The following NKAIN2 variants were observed in gnomAD, a reference collection of about 807,000 sequenced individuals.
The protein encoded by NKAIN2 is sodium/potassium-transporting ATPase subunit beta-1-interacting protein 2.
A neutral mutation model predicts 32.6 loss-of-function variants in NKAIN2; 14 were observed. That is an observed-to-expected ratio of 0.43 (90% confidence interval 0.28 to 0.67). The LOEUF (loss-of-function observed/expected upper bound fraction) is 0.67. Ranked by LOEUF, NKAIN2 falls within the 30% of genes least tolerant of loss-of-function variation. NKAIN2 has a pLI of 0.17. For synonymous variants in NKAIN2, 80 were observed against 87.2 expected (o/e 0.92, Z 0.46); for missense variants, 198 against 258.3 (o/e 0.77, Z 1.60).
chr6:123,916,784 T>C (rs1412672790), intron 1 of NKAIN2, among the ~76,000 whole-genome samples: 3 of 148,992 alleles, frequency 2.0e-5, no homozygotes, highest in African/African-American at 7.5e-5. Flanking sequence ...TATGTATCTA[T>C]GTATCTATCT....
At chr6:123,873,046 T>G (rs1228383562) in intron 1 of NKAIN2, among the ~76,000 whole-genome samples, 1 of 152,134 alleles carries the variant, frequency 6.6e-6, no homozygotes, top group South Asian at 2.1e-4. Flanking sequence ...ATGGACAAGG[T>G]CTCTACTCTG....
chr6:123,852,318 CTT>C (rs1309470210), intron 1 of NKAIN2, among the ~76,000 whole-genome samples: 1 of 151,984 alleles, frequency 6.6e-6, no homozygotes, highest in Admixed American at 6.6e-5. Context: ...AATCTACTCT[CTT>C]AGCAAATTTC....
intron 4 of NKAIN2, among the ~76,000 whole-genome samples, chr6:124,713,691 CAT>C (rs1426480452): frequency 5.3e-5 from 8 of 152,248 alleles, no homozygotes; most frequent in African/African-American, 1.9e-4. Context: ...GCTGTCTTCA[CAT>C]GTTAGAAAAG....
At chr6:123,932,729 T>C (rs920331941) in intron 1 of NKAIN2, among the ~76,000 whole-genome samples, 18 of 151,458 alleles carry the variant, frequency 1.2e-4, no homozygotes, top group Admixed American at 1.3e-4. Context: ...TCTTTCTTGA[T>C]AGCATTGTTA....
chr6:124,129,633 T>C (rs910779461), intron 1 of NKAIN2, among the ~76,000 whole-genome samples: 13 of 152,168 alleles, frequency 8.5e-5, no homozygotes, highest in African/African-American at 3.1e-4. Context: ...TCTTTTTTTT[T>C]TGAGACGAAG....
In NKAIN2 at chr6:123,853,335, A is replaced by G. The variant is rs566747131; in HGVS notation, c.54+49081A>G. 3.9e-5 allele frequency among the ~76,000 whole-genome samples: 6 copies of G among 152,328 alleles called. No individual in the cohort carries two copies. In the South Asian group the frequency reaches 1.2e-3, roughly 32 times the overall value. On this transcript the variant is annotated intron_variant, in intron 1 of 6. Transcript: ENST00000368417. ...GCAATGCATTTTCTATACATAATTC[A>G]CAAATCTACAATAGAAAAATTGAAT...
chr6:124,497,050 C>A (rs1282955351), intron 3 of NKAIN2, among the ~76,000 whole-genome samples: 2 of 152,010 alleles, frequency 1.3e-5, no homozygotes, highest in Admixed American at 1.3e-4. Flanking sequence ...TCCGGGGTGC[C>A]CAGAGGGAGG....
At chr6:124,533,200 C>T (rs2114825674) in intron 3 of NKAIN2, among the ~76,000 whole-genome samples, 1 of 152,142 alleles carries the variant, frequency 6.6e-6, no homozygotes, top group African/African-American at 2.4e-5. Context: ...CAGGAGCCTC[C>T]TACTCTGCCA....
intron 1 of NKAIN2, among the ~76,000 whole-genome samples, chr6:123,940,894 T>C (rs1208013332): frequency 6.6e-6 from 1 of 152,040 alleles, no homozygotes; most frequent in Non-Finnish European, 1.5e-5. Context: ...TGCTGTAATA[T>C]TTTTACTTTA....
At chr6:124,199,734 C>T (rs1369527078) in intron 1 of NKAIN2, among the ~76,000 whole-genome samples, 1 of 152,056 alleles carries the variant, frequency 6.6e-6, no homozygotes, top group Non-Finnish European at 1.5e-5. Context: ...AATGCGATAA[C>T]TAGAAAATAG....
intron 1 of NKAIN2, among the ~76,000 whole-genome samples, chr6:124,244,093 C>A (rs1042479280): frequency 1.3e-5 from 2 of 149,104 alleles, no homozygotes; most frequent in African/African-American, 4.9e-5. Flanking sequence ...TTAATTAGTT[C>A]TTTTTTTTTA....
rs577192398 is a variant in NKAIN2 at position 124,164,293 on chromosome 6, G to A, written c.55-118712G>A. On this transcript the variant is annotated intron_variant, in intron 1 of 6. Coordinates refer to ENST00000368417, the MANE Select transcript of NKAIN2 (RefSeq NM_001040214.3). ...CGTTTCCCAAACTGTGTATTAAAGC[G>A]CCCCAGGAAACCATATTAACTCAAA... Among the ~76,000 whole-genome samples, 9 of 151,994 alleles carry A rather than the reference G, an allele frequency of 5.9e-5. No homozygotes were observed. The South Asian group carries it at 1.2e-3, about 21-fold the overall frequency.
intron 1 of NKAIN2, among the ~76,000 whole-genome samples, chr6:123,891,170 A>G (rs569237421): frequency 6.6e-6 from 1 of 152,138 alleles, no homozygotes; most frequent in Non-Finnish European, 1.5e-5. Flanking sequence ...AATAGAATGG[A>G]GGTTACCAGA....
intron 1 of NKAIN2, among the ~76,000 whole-genome samples, chr6:123,995,836 C>T (rs73773035): frequency 0.01 from 1,581 of 152,192 alleles, 28 homozygotes; most frequent in African/African-American, 0.036. Context: ...TCCAACAGAA[C>T]GAACTGACTG....
intron 1 of NKAIN2, among the ~76,000 whole-genome samples, chr6:123,930,140 G>C (rs113649798): frequency 2.0e-5 from 3 of 152,046 alleles, no homozygotes; most frequent in African/African-American, 7.2e-5. Context: ...AATGATGACA[G>C]TCAGCACTTA....
chr6:124,427,119 C>T (rs1775016540), intron 3 of NKAIN2, among the ~76,000 whole-genome samples: 1 of 152,168 alleles, frequency 6.6e-6, no homozygotes, highest in South Asian at 2.1e-4. Flanking sequence ...TAAATATGCA[C>T]TTATGTTATA....
intron 1 of NKAIN2, among the ~76,000 whole-genome samples, chr6:123,991,275 A>G (rs1335664873): frequency 1.3e-5 from 2 of 152,156 alleles, no homozygotes; most frequent in East Asian, 3.9e-4. Context: ...TGGTTCCTGT[A>G]TTTCCTGAAA....
At chr6:124,183,985 G>A (rs1289015559) in intron 1 of NKAIN2, among the ~76,000 whole-genome samples, 2 of 152,116 alleles carry the variant, frequency 1.3e-5, no homozygotes, top group African/African-American at 2.4e-5. Flanking sequence ...TTGGCCTAAT[G>A]TGTATCCTGA....
chr6:124,072,608 T>C (rs564041491), intron 1 of NKAIN2, among the ~76,000 whole-genome samples: 1 of 152,204 alleles, frequency 6.6e-6, no homozygotes, highest in Non-Finnish European at 1.5e-5. Context: ...CTGCCCCTTA[T>C]GCCAGACCTC....
Sources: gnomAD v4.1 joint callset for allele counts (sites outside exome capture counted in the v4.1 genomes callset) on GRCh38, gnomAD v4.1.1 for gene constraint, MANE v1.5 for transcripts, NCBI Gene and HGNC (gene_info 2026-07-23, HGNC 2026-07-21) for gene names.